The following TRPM3 variants were observed in gnomAD, a reference collection of about 807,000 sequenced individuals.
TRPM3 encodes long transient receptor potential channel 3.
In TRPM3, 77 loss-of-function variants were observed where a neutral mutation model predicts 181.2. That is an observed-to-expected ratio of 0.42 (90% CI 0.35 to 0.51). The LOEUF (loss-of-function observed/expected upper bound fraction) is 0.51. TRPM3 is among the 20% of genes least tolerant of loss of function. The pLI, the probability that TRPM3 is intolerant of heterozygous loss-of-function variation, is 0.01. For missense variants in TRPM3, 1,759 were observed against 2,196.7 expected, an observed-to-expected ratio of 0.80 and a Z score of 3.98; for synonymous variants, 745 against 796.4, an observed-to-expected ratio of 0.94 and a Z score of 1.09.
In TRPM3 at chr9:71,195,274, A is replaced by G. The variant is rs566121674; in HGVS notation, c.183+251379T>C. On this transcript the variant is annotated intron_variant, in intron 1 of 24. Coordinates refer to the TRPM3 transcript ENST00000357533. ...AAATTATGCATCTGACAAAGGTCTA[A>G]TATCTAGCATCTAGAAGGAACTTAA... 3.9e-5 allele frequency among the ~76,000 whole-genome samples: 6 copies of G among 152,248 alleles called. No individual in the cohort carries two copies. In the East Asian group the frequency reaches 5.8e-4, roughly 15 times the overall value.
chr9:71,204,982 A>G (rs1454548946), intron 1 of TRPM3, among the ~76,000 whole-genome samples: 3 of 152,028 alleles, frequency 2.0e-5, no homozygotes, highest in African/African-American at 4.8e-5. Context: ...CAAACACGGC[A>G]TGTTCTCACT....
chr9:70,662,548 A>G (rs1199378311), intron 9 of TRPM3, among the ~76,000 whole-genome samples: 2 of 152,160 alleles, frequency 1.3e-5, no homozygotes, highest in Admixed American at 6.5e-5. Flanking sequence ...CAGCAAGAAA[A>G]AAACAAATAA....
intron 1 of TRPM3, among the ~76,000 whole-genome samples, chr9:71,381,481 A>G (rs2092799295): frequency 6.6e-6 from 1 of 152,182 alleles, no homozygotes; most frequent in South Asian, 2.1e-4. Context: ...ATAGTGATTA[A>G]GTGGAATTCT....
At chr9:71,319,449 T>C (rs974405530) in intron 1 of TRPM3, among the ~76,000 whole-genome samples, 4 of 152,136 alleles carry the variant, frequency 2.6e-5, no homozygotes, top group African/African-American at 7.2e-5. Context: ...CAGAAGAAGA[T>C]ACACGTTCCA....
At chr9:70,892,171 T>A (rs2096214627) in intron 1 of TRPM3, among the ~76,000 whole-genome samples, 2 of 152,182 alleles carry the variant, frequency 1.3e-5, no homozygotes, top group Admixed American at 1.3e-4. Flanking sequence ...GCCTTAACGT[T>A]TTGGAAGACT....
intron 9 of TRPM3, among the ~76,000 whole-genome samples, chr9:70,649,103 G>T (rs1305200815): frequency 6.6e-6 from 1 of 151,810 alleles, no homozygotes; most frequent in Non-Finnish European, 1.5e-5. Flanking sequence ...TCCAACAAAG[G>T]TCTAATATCC....
intron 8 of TRPM3, among the ~76,000 whole-genome samples, chr9:70,750,797 G>A (rs974068454): frequency 4.6e-5 from 7 of 152,292 alleles, no homozygotes; most frequent in African/African-American, 1.4e-4. Flanking sequence ...TGGATAGGCT[G>A]ATTTTGTTTC....
intron 1 of TRPM3, among the ~76,000 whole-genome samples, chr9:71,026,048 T>A (rs988943540): frequency 1.3e-5 from 2 of 152,178 alleles, no homozygotes; most frequent in Admixed American, 6.5e-5. Context: ...CATGGACACT[T>A]GTACTGGCAG....
At chr9:71,351,514 C>T (rs2091621590) in intron 1 of TRPM3, among the ~76,000 whole-genome samples, 1 of 152,082 alleles carries the variant, frequency 6.6e-6, no homozygotes, top group Non-Finnish European at 1.5e-5. Context: ...TAGATGGTTT[C>T]CAATTTAAAT....
intron 5 of TRPM3, among the ~76,000 whole-genome samples, chr9:70,841,479 G>GT (rs11384709): frequency 0.54 from 80,598 of 150,050 alleles, 22,003 homozygotes; most frequent in African/African-American, 0.56. Context: ...GATTTAAAGT[G>GT]TTTTTTTATT....
intron 1 of TRPM3, among the ~76,000 whole-genome samples, chr9:71,390,344 A>G (rs1358792976): frequency 6.6e-6 from 1 of 152,038 alleles, no homozygotes; most frequent in African/African-American, 2.4e-5. Context: ...ATCAACTAAA[A>G]CTAACTTTCT....
At chr9:70,894,631 T>A (rs749248738) in intron 1 of TRPM3, among the ~76,000 whole-genome samples, 2 of 152,116 alleles carry the variant, frequency 1.3e-5, no homozygotes, top group Non-Finnish European at 2.9e-5. Flanking sequence ...TTAGTTGCAG[T>A]TGAGAATTTT....
At chr9:71,186,104 C>A (rs894770465) in intron 1 of TRPM3, among the ~76,000 whole-genome samples, 8 of 152,014 alleles carry the variant, frequency 5.3e-5, no homozygotes, top group African/African-American at 1.9e-4. Flanking sequence ...CTCCACATAG[C>A]ATTCACCTTG....
At chr9:71,392,363 G>A (rs1178084684) in intron 1 of TRPM3, among the ~76,000 whole-genome samples, 1 of 152,098 alleles carries the variant, frequency 6.6e-6, no homozygotes, top group Non-Finnish European at 1.5e-5. Context: ...CTAGGACAAT[G>A]TGGGTAGGGA....
At chr9:70,635,382 G>A (rs2056991407) in intron 11 of TRPM3, 121 bp from the exon 12 acceptor site, 1 of 685,888 alleles carries the variant, frequency 1.5e-6, no homozygotes, top group Non-Finnish European at 2.5e-6. Flanking sequence ...GATGGACCTT[G>A]TTCTAGTTGC....
At chr9:71,319,383 G>A (rs950892870) in intron 1 of TRPM3, among the ~76,000 whole-genome samples, 2 of 152,134 alleles carry the variant, frequency 1.3e-5, no homozygotes, top group African/African-American at 4.8e-5. Flanking sequence ...AGCCAAGGGT[G>A]TAAGTCCCAA....
chr9:71,014,989 A>G (rs1303575728), intron 1 of TRPM3, among the ~76,000 whole-genome samples: 1 of 151,808 alleles, frequency 6.6e-6, no homozygotes, highest in Non-Finnish European at 1.5e-5. Context: ...CCTTTTTTTC[A>G]GTATTTTTCT....
At chr9:71,286,932 ATATATATATAATTTATATTTTATATAAAT>A (rs908993481) in intron 1 of TRPM3, among the ~76,000 whole-genome samples, 37 of 87,770 alleles carry the variant, frequency 4.2e-4, no homozygotes, top group Admixed American at 1.2e-3. Flanking sequence ...ATATACTTTT[ATATATATATAATTTATATTTTATATAAAT>A]TATATATAAT....
chr9:70,933,306 T>A (rs1461768523), intron 1 of TRPM3, among the ~76,000 whole-genome samples: 1 of 152,112 alleles, frequency 6.6e-6, no homozygotes, highest in African/African-American at 2.4e-5. Context: ...TTGGTGGGTA[T>A]AGATGTGATT....
Sources: gnomAD v4.1 joint callset for allele counts (sites outside exome capture counted in the v4.1 genomes callset) on GRCh38, gnomAD v4.1.1 for gene constraint, MANE v1.5 for transcripts, NCBI Gene and HGNC (gene_info 2026-07-23, HGNC 2026-07-21) for gene names.